Variants in PCSK6 observed in about 807,000 individuals in gnomAD.
The protein encoded by PCSK6 is proprotein convertase subtilisin/kexin type 6.
In PCSK6, 85 loss-of-function variants were observed where a neutral mutation model predicts 123.3. That is an observed-to-expected ratio of 0.69 (90% CI 0.58 to 0.83). The LOEUF (loss-of-function observed/expected upper bound fraction) is 0.83, where lower values mean the gene tolerates loss of function less well. Ranked by LOEUF, PCSK6 falls within the 40% of genes least tolerant of loss-of-function variation. The probability of loss-of-function intolerance (pLI) is 0.00; values close to 1 mark genes in which losing one functional copy is unlikely to be tolerated. For synonymous variants in PCSK6, 508 were observed against 516.0 expected (o/e 0.98, Z 0.21); for missense variants, 1,191 against 1,282.3 (o/e 0.93, Z 1.09).
chr15:101,372,041 A>G (rs1171918440), intron 11 of PCSK6, among the ~76,000 whole-genome samples: 1 of 152,178 alleles, frequency 6.6e-6, no homozygotes, highest in South Asian at 2.1e-4. Flanking sequence ...TCCCCAGACC[A>G]AGCAGATCCA....
chr15:101,370,046 T>A (rs1049597533), intron 12 of PCSK6, among the ~76,000 whole-genome samples: 16 of 152,116 alleles, frequency 1.1e-4, no homozygotes, highest in Non-Finnish European at 1.6e-4. Context: ...CACAAATCCC[T>A]CCGCTAAACA....
chr15:101,351,533 C>A (rs903406260), intron 13 of PCSK6, among the ~76,000 whole-genome samples: 3 of 152,018 alleles, frequency 2.0e-5, no homozygotes, highest in Non-Finnish European at 4.4e-5. Context: ...AACCAGAATT[C>A]GGCAAAAATC....
chr15:101,429,899 C>T lies in PCSK6; in HGVS notation c.734+88G>A, dbSNP rs534235121. ...GCAGGGAAGATACGCCGGCAGCCACCGCCTCTCCAGCTCCCTCGCACACAC... is the reference window on the plus strand; with the variant it reads ...GCAGGGAAGATACGCCGGCAGCCACTGCCTCTCCAGCTCCCTCGCACACAC... On this transcript the variant is annotated intron_variant, in intron 5 of 21. Transcript: ENST00000611716. 173 of 1,169,876 alleles carry T rather than the reference C, an allele frequency of 1.5e-4. No homozygotes were observed. The African/African-American group carries it at 2.1e-3, about 14-fold the overall frequency. 72.5% of individuals were successfully genotyped at this position (1,169,876 alleles called of 1,614,324 possible).
intron 6 of PCSK6, among the ~76,000 whole-genome samples, chr15:101,424,298 G>A (rs1167893878): frequency 2.6e-5 from 4 of 151,100 alleles, no homozygotes; most frequent in Non-Finnish European, 5.9e-5. Flanking sequence ...CAACAATAAG[G>A]ATGGCAATTA....
At chr15:101,352,348 C>A (rs796836973) in intron 13 of PCSK6, among the ~76,000 whole-genome samples, 9 of 151,888 alleles carry the variant, frequency 5.9e-5, no homozygotes, top group Admixed American at 5.9e-4. Flanking sequence ...GGGGTTTCAC[C>A]GTGTTAGCCA....
intron 11 of PCSK6, among the ~76,000 whole-genome samples, chr15:101,375,797 G>T (rs77678879): frequency 6.6e-6 from 1 of 152,180 alleles, no homozygotes; most frequent in Non-Finnish European, 1.5e-5. Flanking sequence ...CACTTTGAGA[G>T]GCTGAGGTGG....
chr15:101,353,475 G>A (rs1038655608), intron 13 of PCSK6, among the ~76,000 whole-genome samples: 8 of 152,156 alleles, frequency 5.3e-5, no homozygotes, highest in Admixed American at 1.3e-4. Flanking sequence ...GGGGACCCCT[G>A]CTCTTGTGGA....
chr15:101,345,753 C>T (rs1312023871), intron 13 of PCSK6, among the ~76,000 whole-genome samples: 9 of 152,232 alleles, frequency 5.9e-5, no homozygotes, highest in African/African-American at 1.9e-4. Flanking sequence ...CTGCAACCTC[C>T]GCCTCCCGGG....
chr15:101,484,561 A>G lies in PCSK6; in HGVS notation c.297+4813T>C, dbSNP rs1596182197. ...GCACCACCACGCCCAGCTAATTTTC[A>G]TATTTTTTTAGTAGAGACAGGGTTT... is the stretch of plus-strand genomic sequence containing the variant. On this transcript the variant is annotated intron_variant, in intron 1 of 21. Transcript: ENST00000611716. 3.3e-5 allele frequency among the ~76,000 whole-genome samples: 5 copies of G among 151,482 alleles called. No individual in the cohort carries two copies. The South Asian group carries it at 1.0e-3, about 32-fold the overall frequency.
intron 1 of PCSK6, among the ~76,000 whole-genome samples, chr15:101,464,285 G>C (rs74579448): frequency 0.027 from 4,098 of 152,244 alleles, 190 homozygotes; most frequent in African/African-American, 0.092. Flanking sequence ...GATGTCCACT[G>C]TGTGGGGGCA....
intron 1 of PCSK6, among the ~76,000 whole-genome samples, chr15:101,466,769 A>T (rs1199125302): frequency 6.6e-6 from 1 of 152,074 alleles, no homozygotes; most frequent in East Asian, 1.9e-4. Context: ...TTACTGTATG[A>T]TTCCATTATA....
At chr15:101,346,898 T>A (rs887768997) in intron 13 of PCSK6, 6 of 1,230,142 alleles carry the variant, frequency 4.9e-6, no homozygotes, top group African/African-American at 4.7e-5. Context: ...CCGAGATAAG[T>A]GGGGATACAT....
intron 13 of PCSK6, chr15:101,347,803 G>C: frequency 6.3e-7 from 1 of 1,588,712 alleles, no homozygotes; most frequent in Non-Finnish European, 8.6e-7. Flanking sequence ...CTGAAGTGAA[G>C]CCCATGGGCT....
chr15:101,458,311 T>G (rs76182574), intron 1 of PCSK6, among the ~76,000 whole-genome samples: 1,532 of 152,168 alleles, frequency 0.01, 22 homozygotes, highest in African/African-American at 0.036. Flanking sequence ...TGGGTTTGAG[T>G]CTCTGCAGCA....
intron 18 of PCSK6, among the ~76,000 whole-genome samples, chr15:101,321,915 C>G (rs1354674668): frequency 2.6e-5 from 4 of 152,242 alleles, no homozygotes; most frequent in Non-Finnish European, 4.4e-5. Context: ...TTCGGAGGAA[C>G]AGGTAATGTA....
chr15:101,387,166 C>G (rs1304447120), intron 9 of PCSK6, among the ~76,000 whole-genome samples: 1 of 152,230 alleles, frequency 6.6e-6, no homozygotes, highest in Admixed American at 6.5e-5. Context: ...CCAGGCACAC[C>G]TGTTCTCCTC....
intron 6 of PCSK6, among the ~76,000 whole-genome samples, chr15:101,427,592 G>A (rs1224355147): frequency 4.6e-5 from 7 of 152,336 alleles, no homozygotes; most frequent in South Asian, 2.1e-4. Flanking sequence ...GGGAATCAAC[G>A]CAGACTTCTA....
intron 18 of PCSK6, among the ~76,000 whole-genome samples, chr15:101,320,993 A>G (rs530621154): frequency 6.6e-6 from 1 of 152,262 alleles, no homozygotes; most frequent in South Asian, 2.1e-4. Flanking sequence ...ATGGGACGGG[A>G]TGCATAAATG....
intron 11 of PCSK6, among the ~76,000 whole-genome samples, chr15:101,377,248 A>G (rs549296172): frequency 2.6e-5 from 4 of 152,354 alleles, no homozygotes; most frequent in African/African-American, 9.6e-5. Context: ...CTGGGCAGCC[A>G]GGGTCAGGTA....
Sources: allele counts gnomAD v4.1 joint callset (sites outside exome capture counted in the v4.1 genomes callset), GRCh38; gene constraint gnomAD v4.1.1; transcripts MANE v1.5; gene names NCBI Gene and HGNC (gene_info 2026-07-23, HGNC 2026-07-21).